The following WDR64 variants were observed in gnomAD, a reference collection of about 807,000 sequenced individuals.
The protein encoded by WDR64 is WD repeat-containing protein 64.
In WDR64, 112 loss-of-function variants were observed where a neutral mutation model predicts 139.3. The ratio of observed to expected loss-of-function variants is 0.80; its 90% CI spans 0.69 to 0.94. The LOEUF is 0.94. Ranked by LOEUF, WDR64 falls within the 40% of genes least tolerant of loss-of-function variation. The pLI, the probability that WDR64 is intolerant of heterozygous loss-of-function variation, is 0.00. For missense variants in WDR64, 1,206 were observed against 1,293.1 expected, an observed-to-expected ratio of 0.93 and a Z score of 1.03; for synonymous variants, 444 against 437.7, an observed-to-expected ratio of 1.01 and a Z score of -0.18.
Position 241,790,614 on chromosome 1 carries a change from C to G in WDR64, c.2915C>G (p.Ser972Cys). ...AGATGGAGAAAAATGAGCTCAGTGT[C>G]TCTACTTTTCAAACGCACACCTCCC... is the stretch of plus-strand genomic sequence containing the variant. Reference protein sequence around the residue: ...REKWRKMSSVSLLFKRTPPKA... With the variant: ...REKWRKMSSVCLLFKRTPPKA... Residue 972 changes from serine to cysteine, a missense_variant, in exon 25 of 28, where the codon TCT becomes TGT. Coordinates refer to ENST00000437684, the MANE Select transcript of WDR64 (RefSeq NM_001367482.1). The G allele has an allele frequency of 6.2e-7, 1 of 1,610,290 alleles. No homozygotes were observed. The highest frequency in any genetic ancestry group is 1.7e-5 in the Admixed American group (1 of 59,180).
intron 19 of WDR64, 130 bp downstream of exon 19, chr1:241,771,827 C>T: frequency 2.7e-6 from 1 of 370,790 alleles, no homozygotes; most frequent in Non-Finnish European, 4.3e-6. Flanking sequence ...TATTCATATA[C>T]ATTCATATAT....
intron 6 of WDR64, among the ~76,000 whole-genome samples, chr1:241,683,233 C>A (rs1399876262): frequency 6.6e-6 from 1 of 152,130 alleles, no homozygotes; most frequent in Non-Finnish European, 1.5e-5. Flanking sequence ...TCAGAAAAAT[C>A]TCATTACTTA....
chr1:241,699,918 A>G (rs558319416), intron 8 of WDR64, among the ~76,000 whole-genome samples: 2 of 152,086 alleles, frequency 1.3e-5, no homozygotes, highest in Non-Finnish European at 2.9e-5. Flanking sequence ...TTTAAACAAG[A>G]GAGTAAAAAA....
chr1:241,778,628 T>C (rs1471440246), intron 21 of WDR64, among the ~76,000 whole-genome samples: 1 of 152,172 alleles, frequency 6.6e-6, no homozygotes, highest in East Asian at 1.9e-4. Context: ...TAATTGAGCA[T>C]TTTGTGTGAT....
In WDR64 at chr1:241,801,325, C is replaced by A; in HGVS notation, c.*110C>A. On this transcript the variant is annotated 3_prime_UTR_variant, in exon 28 of 28. Coordinates refer to ENST00000437684, the MANE Select transcript of WDR64 (RefSeq NM_001367482.1). Reference sequence around the variant, plus strand: ...AACCACCAGACACTATCAGTCATCTCTGGTGTCAGGCCATCCTATTGATGG... The same window carrying A: ...AACCACCAGACACTATCAGTCATCTATGGTGTCAGGCCATCCTATTGATGG... 1 of 939,826 alleles carries A rather than the reference C, an allele frequency of 1.1e-6. No homozygotes were observed. Among genetic ancestry groups the A allele is most frequent in the African/African-American group, 1.6e-5 (1 of 61,406 alleles). 58.2% of individuals were successfully genotyped at this position (939,826 alleles called of 1,614,324 possible).
intron 27 of WDR64, 93 bp downstream of exon 27, chr1:241,796,463 T>C (rs1659367322): frequency 1.2e-6 from 1 of 845,576 alleles, no homozygotes; most frequent in East Asian, 2.9e-5. Flanking sequence ...TTCAGAAACA[T>C]TCTGAACCTA....
At chr1:241,700,980 A>T (rs759239343) in intron 8 of WDR64, among the ~76,000 whole-genome samples, 1 of 152,232 alleles carries the variant, frequency 6.6e-6, no homozygotes, top group Non-Finnish European at 1.5e-5. Flanking sequence ...TTCCTCTGGG[A>T]ACCAATTATG....
At chr1:241,755,716 C>T (rs1191856464) in intron 14 of WDR64, among the ~76,000 whole-genome samples, 1 of 152,016 alleles carries the variant, frequency 6.6e-6, no homozygotes, top group Non-Finnish European at 1.5e-5. Flanking sequence ...GTCTTTAATC[C>T]ATCTTGAATT....
chr1:241,747,741 G>A (rs1211027458), intron 13 of WDR64, among the ~76,000 whole-genome samples: 1 of 152,126 alleles, frequency 6.6e-6, no homozygotes, highest in Non-Finnish European at 1.5e-5. Flanking sequence ...AATCGATGTT[G>A]CAGGCAAATA....
At chr1:241,701,895 G>A (rs969402285) in intron 8 of WDR64, among the ~76,000 whole-genome samples, 21 of 152,128 alleles carry the variant, frequency 1.4e-4, no homozygotes, top group Non-Finnish European at 2.2e-4. Context: ...CTTAAGTTGA[G>A]CCAGATAAAG....
At chr1:241,675,413 T>A (rs1666513530) in intron 4 of WDR64, among the ~76,000 whole-genome samples, 1 of 152,040 alleles carries the variant, frequency 6.6e-6, no homozygotes, top group Non-Finnish European at 1.5e-5. Context: ...AAAAAATAAA[T>A]CCAAATATTT....
chr1:241,757,808 T>C (rs1308560343), intron 15 of WDR64, among the ~76,000 whole-genome samples: 1 of 151,998 alleles, frequency 6.6e-6, no homozygotes, highest in African/African-American at 2.4e-5. Context: ...GAAGCAAATC[T>C]CAAACATTGT....
intron 19 of WDR64, among the ~76,000 whole-genome samples, chr1:241,771,954 A>G (rs917808026): frequency 4.3e-5 from 3 of 69,932 alleles, no homozygotes; most frequent in African/African-American, 2.5e-4. Flanking sequence ...ACATATATAT[A>G]TATATATATA....
intron 8 of WDR64, among the ~76,000 whole-genome samples, chr1:241,687,920 T>TA (rs1335983947): frequency 6.6e-6 from 1 of 152,244 alleles, no homozygotes; most frequent in Admixed American, 6.5e-5. Flanking sequence ...AAATCATTCT[T>TA]ACAGGTCAGT....
At chr1:241,750,398 A>C (rs911481663) in intron 14 of WDR64, among the ~76,000 whole-genome samples, 1 of 152,224 alleles carries the variant, frequency 6.6e-6, no homozygotes, top group African/African-American at 2.4e-5. Flanking sequence ...ATAGCACAGC[A>C]ATCATGAAGC....
chr1:241,770,725 C>T (rs938853484), intron 18 of WDR64, 35 bp downstream of exon 18: 41 of 1,540,844 alleles, frequency 2.7e-5, no homozygotes, highest in South Asian at 8.4e-5. Context: ...GTCTTCCTGT[C>T]ATACTCAATG....
chr1:241,724,873 A>G (rs1053131062), intron 10 of WDR64, among the ~76,000 whole-genome samples: 14 of 152,150 alleles, frequency 9.2e-5, no homozygotes, highest in Non-Finnish European at 5.9e-5. Context: ...ACAACCCTAT[A>G]AAGTAATTCT....
At chr1:241,690,639 T>C (rs148038213) in intron 8 of WDR64, among the ~76,000 whole-genome samples, 60 of 152,146 alleles carry the variant, frequency 3.9e-4, no homozygotes, top group African/African-American at 1.4e-3. Flanking sequence ...CTGTATACCG[T>C]GAAATTAGCC....
intron 10 of WDR64, among the ~76,000 whole-genome samples, chr1:241,731,527 T>A (rs1669080082): frequency 6.6e-6 from 1 of 152,190 alleles, no homozygotes; most frequent in African/African-American, 2.4e-5. Context: ...TTTGCCCAAG[T>A]GCACACAGTT....
Sources: gnomAD v4.1 joint callset for allele counts (sites outside exome capture counted in the v4.1 genomes callset) on GRCh38, gnomAD v4.1.1 for gene constraint, MANE v1.5 for transcripts, NCBI Gene and HGNC (gene_info 2026-07-23, HGNC 2026-07-21) for gene names.